Variants in PSPC1 observed in about 807,000 individuals in gnomAD.
PSPC1 encodes paraspeckle protein 1.
In PSPC1, 14 loss-of-function variants were observed where a neutral mutation model predicts 51.6. That is an observed-to-expected ratio of 0.27 (90% CI 0.18 to 0.42). The LOEUF (loss-of-function observed/expected upper bound fraction) is 0.42, where lower values mean the gene tolerates loss of function less well. Ranked by LOEUF, PSPC1 falls within the 10% of genes least tolerant of loss-of-function variation. The pLI is 1.00. For synonymous variants in PSPC1, 193 were observed against 231.9 expected (o/e 0.83, Z 1.53); for missense variants, 406 against 701.1 (o/e 0.58, Z 4.75).
At chr13:19,734,136 T>C (rs1884480401) in intron 5 of PSPC1, among the ~76,000 whole-genome samples, 1 of 152,178 alleles carries the variant, frequency 6.6e-6, no homozygotes, top group South Asian at 2.1e-4. Context: ...ATGTTTGCTT[T>C]CAATTATTTC....
intron 1 of PSPC1, among the ~76,000 whole-genome samples, chr13:19,773,126 C>A (rs1206357137): frequency 6.6e-6 from 1 of 151,952 alleles, no homozygotes; most frequent in Non-Finnish European, 1.5e-5. Flanking sequence ...CGCTACTGCA[C>A]TCCAGCCTGG....
At chr13:19,736,537 G>T (rs1884834942) in intron 5 of PSPC1, among the ~76,000 whole-genome samples, 1 of 151,978 alleles carries the variant, frequency 6.6e-6, no homozygotes, top group Non-Finnish European at 1.5e-5. Context: ...CAAAAAATTA[G>T]CCAGGTGTGG....
Position 19,741,554 on chromosome 13 carries a change from T to C in PSPC1, c.1052+11A>G. 1 of 1,532,522 alleles carries C rather than the reference T, an allele frequency of 6.5e-7. No homozygotes were observed. The highest frequency in any genetic ancestry group is 8.9e-7 in the Non-Finnish European group (1 of 1,117,892). 94.9% of individuals were successfully genotyped at this position (1,532,522 alleles called of 1,614,324 possible). ...ATACAATTCATGTTTCTTAAAATGATCTTCTTTTACCTTAGTTGTATTTGC... is the reference window on the plus strand; with the variant it reads ...ATACAATTCATGTTTCTTAAAATGACCTTCTTTTACCTTAGTTGTATTTGC... On this transcript the variant is annotated intron_variant, in intron 5 of 8. Transcript: ENST00000338910.
At chr13:19,749,173 C>T (rs1465564309) in intron 4 of PSPC1, among the ~76,000 whole-genome samples, 1 of 152,070 alleles carries the variant, frequency 6.6e-6, no homozygotes, top group Admixed American at 6.6e-5. Flanking sequence ...ATGGTAAAAC[C>T]CCATCTCTAC....
intron 2 of PSPC1, among the ~76,000 whole-genome samples, chr13:19,761,134 G>C (rs1887572488): frequency 1.3e-5 from 2 of 152,066 alleles, no homozygotes; most frequent in African/African-American, 2.4e-5. Flanking sequence ...AATAAGGCAA[G>C]ATGTCATCTC....
chr13:19,771,782 G>T (rs1048211183), intron 2 of PSPC1, among the ~76,000 whole-genome samples: 1 of 151,992 alleles, frequency 6.6e-6, no homozygotes, highest in South Asian at 2.1e-4. Flanking sequence ...CACCACGCCC[G>T]GCTAATTTTT....
At chr13:19,750,789 G>A (rs1886465005) in intron 4 of PSPC1, among the ~76,000 whole-genome samples, 1 of 14,400 alleles carries the variant, frequency 6.9e-5, no homozygotes, top group African/African-American at 9.0e-5. Flanking sequence ...TTTTTTTTTT[G>A]AGACAGTTTT....
At chr13:19,736,582 C>G (rs1593663492) in intron 5 of PSPC1, among the ~76,000 whole-genome samples, 2 of 152,112 alleles carry the variant, frequency 1.3e-5, no homozygotes, top group East Asian at 3.9e-4. Flanking sequence ...ACTCCGGAGG[C>G]TGAGGCAGGA....
At chr13:19,680,177 G>T (rs750929778) in intron 6 of PSPC1, among the ~76,000 whole-genome samples, 54 of 152,146 alleles carry the variant, frequency 3.5e-4, no homozygotes, top group Non-Finnish European at 6.0e-4. Flanking sequence ...ACCGCGCCCA[G>T]CTAATTTTTG....
intron 6 of PSPC1, among the ~76,000 whole-genome samples, chr13:19,684,798 TG>T (rs1877673000): frequency 6.6e-6 from 1 of 152,226 alleles, no homozygotes; most frequent in African/African-American, 2.4e-5. Context: ...TTTCTTCTGC[TG>T]CCCCATTTGG....
intron 4 of PSPC1, among the ~76,000 whole-genome samples, chr13:19,747,659 T>C (rs1566023265): frequency 6.6e-6 from 1 of 152,176 alleles, no homozygotes; most frequent in East Asian, 1.9e-4. Flanking sequence ...GATTTTTGGG[T>C]TTTTTGCTTA....
intron 7 of PSPC1, among the ~76,000 whole-genome samples, chr13:19,706,469 A>G (rs966191844): frequency 3.9e-5 from 6 of 152,160 alleles, no homozygotes; most frequent in Admixed American, 2.6e-4. Context: ...TATTTTTAAA[A>G]GCAACCGCAA....
At chr13:19,695,677 G>A (rs769042079) in intron 6 of PSPC1, among the ~76,000 whole-genome samples, 1 of 152,024 alleles carries the variant, frequency 6.6e-6, no homozygotes, top group Non-Finnish European at 1.5e-5. Flanking sequence ...TGTATAAGAT[G>A]ACACAAAGTA....
intron 5 of PSPC1, among the ~76,000 whole-genome samples, chr13:19,740,391 T>C (rs1405436654): frequency 6.6e-6 from 1 of 151,772 alleles, no homozygotes; most frequent in African/African-American, 2.4e-5. Context: ...CATAGAAATA[T>C]TTATAAATTG....
At chr13:19,759,106 C>T (rs1336292607) in intron 3 of PSPC1, among the ~76,000 whole-genome samples, 1 of 151,872 alleles carries the variant, frequency 6.6e-6, no homozygotes, top group African/African-American at 2.4e-5. Context: ...GCCAAGATCA[C>T]ACCACTGCAC....
In PSPC1 at chr13:19,744,548, G is replaced by A. The variant is rs1885759704; in HGVS notation, c.968-2899C>T. On this transcript the variant is annotated intron_variant, in intron 4 of 8. Transcript: ENST00000338910. ...AAAAACTGTAAAAAGTACATAACTA[G>A]AGATGTCTTTTTTTTTCTTTTTTTT... Among the ~76,000 whole-genome samples, 8 of 152,036 alleles carry A rather than the reference G, an allele frequency of 5.3e-5. No individual in the cohort carries two copies. In the South Asian group the frequency reaches 1.7e-3, roughly 32 times the overall value.
At chr13:19,710,288 T>G (rs1881233048) in intron 6 of PSPC1, among the ~76,000 whole-genome samples, 2 of 152,210 alleles carry the variant, frequency 1.3e-5, no homozygotes, top group Admixed American at 6.5e-5. Flanking sequence ...TTCAGAACAT[T>G]TGAAATTTCA....
At chr13:19,676,963 A>T (rs944461992) in intron 7 of PSPC1, among the ~76,000 whole-genome samples, 2 of 152,214 alleles carry the variant, frequency 1.3e-5, no homozygotes, top group Non-Finnish European at 2.9e-5. Flanking sequence ...GGCCGGGCAC[A>T]GTGGCTCACG....
chr13:19,758,954 T>A (rs983261143), intron 3 of PSPC1, among the ~76,000 whole-genome samples: 3 of 151,878 alleles, frequency 2.0e-5, no homozygotes, highest in African/African-American at 7.3e-5. Flanking sequence ...AAGTAGACAT[T>A]TCTAAAAAAA....
Sources: allele counts gnomAD v4.1 joint callset (sites outside exome capture counted in the v4.1 genomes callset), GRCh38; gene constraint gnomAD v4.1.1; transcripts MANE v1.5; gene names NCBI Gene and HGNC (gene_info 2026-07-23, HGNC 2026-07-21).